Variants in SLC9A3 observed in about 807,000 individuals in gnomAD.
The protein encoded by SLC9A3 is sodium/hydrogen exchanger 3.
SLC9A3 carries 37 observed loss-of-function variants against 86.8 expected under a neutral mutation model. The observed-to-expected ratio is 0.43, with a 90% CI of 0.33 to 0.56. SLC9A3 has a LOEUF of 0.56. Ranked by LOEUF, SLC9A3 falls within the 20% of genes least tolerant of loss-of-function variation. The pLI is 0.06. For missense variants in SLC9A3, 1,011 were observed against 1,171.9 expected (o/e 0.86, Z 2.00); for synonymous variants, 581 against 528.3 (o/e 1.10, Z -1.37).
In SLC9A3 at chr5:482,586, T is replaced by C. The variant is rs1342508011; in HGVS notation, c.1318A>G (p.Thr440Ala). The C allele has an allele frequency of 6.2e-7, 1 of 1,612,706 alleles. No individual in the cohort carries two copies. The highest frequency in any genetic ancestry group is 8.5e-7 in the Non-Finnish European group (1 of 1,179,854). The change falls in exon 7 of 17, where the codon ACC (threonine) becomes GCC (alanine). Residue 440 changes from threonine to alanine, a missense_variant. By Grantham distance (58) the Thr-to-Ala change is moderately conservative. Coordinates refer to ENST00000264938, the MANE Select transcript of SLC9A3 (RefSeq NM_004174.4). The stretch of plus-strand genomic sequence containing the variant: ...GTGAAGAACACTACGATGATGGTGG[T>C]GCTGACGAACAGGTTCTTCTCCTTG... ...KVKEKNLFVS[T>A]TIIVVFFTVI...
rs1740030770 is a variant in SLC9A3 at position 496,569 on chromosome 5, G to C, written c.212-4498C>G. 6.6e-6 allele frequency among the ~76,000 whole-genome samples: 1 copy of C among 152,170 alleles called. No homozygotes were observed. Among genetic ancestry groups the C allele is most frequent in the Non-Finnish European group, 1.5e-5 (1 of 68,026 alleles). ...GTAGATTTTCACTTTCAAAAATGTT[G>C]CTCTCATCTTTCCACTTTGTCTTCT... On this transcript the variant is annotated intron_variant, in intron 1 of 16. Transcript: ENST00000264938. This position sits in a 1 kb window ranked among gnomAD's most constrained non-coding sequence, Gnocchi z 4.7.
chr5:475,736 C>T lies in SLC9A3; in HGVS notation c.2141-65G>A, dbSNP rs1738682832. 5.6e-6 allele frequency: 5 copies of T among 890,884 alleles called. No individual in the cohort carries two copies. In the Admixed American group the frequency reaches 1.0e-4, roughly 18 times the overall value. The allele number at this position is 890,884 out of a possible 1,614,324, so 55.2% of individuals were successfully genotyped here. On this transcript the variant is annotated intron_variant, in intron 14 of 16. Coordinates refer to ENST00000264938, the MANE Select transcript of SLC9A3 (RefSeq NM_004174.4). Reference sequence around the variant, plus strand: ...GGGGCTGTCCTCACAGCCCAGTCAGCAGTGTCCATCAGCTCTGTGCACAGA... The same window carrying T: ...GGGGCTGTCCTCACAGCCCAGTCAGTAGTGTCCATCAGCTCTGTGCACAGA...
At position 491,710 on chromosome 5, in the gene SLC9A3, C is replaced by A; in HGVS notation, c.514+59G>T. 3 of 1,416,680 alleles carry A rather than the reference C, an allele frequency of 2.1e-6. No individual in the cohort carries two copies. The highest frequency in any genetic ancestry group is 1.9e-6 in the Non-Finnish European group (2 of 1,057,950). The allele number at this position is 1,416,680 out of a possible 1,614,324, so 87.8% of individuals were successfully genotyped here. On this transcript the variant is annotated intron_variant, in intron 2 of 16. Coordinates refer to ENST00000264938, the MANE Select transcript of SLC9A3 (RefSeq NM_004174.4). The surrounding 1 kb of genome is among the most constrained non-coding windows in gnomAD (Gnocchi z 9.2). The stretch of plus-strand genomic sequence containing the variant: ...CCCCGACCTTTCTGAGATGAGGCAG[C>A]GCCGCCCCTCCCGGACCCCACCCTG...
rs747830280 is a variant in SLC9A3, at chr5:484,666, C to T, written c.786G>A (p.Thr262=). 22 of 1,612,946 alleles carry T rather than the reference C, an allele frequency of 1.4e-5. No individual in the cohort carries two copies. The highest frequency in any genetic ancestry group is 2.7e-5 in the African/African-American group (2 of 74,944). ...VSFFVVSLGG[T]LVGVVFAFLL... ...GGAAGGCGAAGACCACCCCCACCAGCGTGCCCCCCAGGCTCACCACGAAGA... is the reference window on the plus strand; with the variant it reads ...GGAAGGCGAAGACCACCCCCACCAGTGTGCCCCCCAGGCTCACCACGAAGA... Residue 262 remains threonine (T), a synonymous_variant, in exon 5 of 17, where the codon ACG becomes ACA. Coordinates refer to ENST00000264938, the MANE Select transcript of SLC9A3 (RefSeq NM_004174.4).
chr5:476,945 G>A (rs1738781978), intron 11 of SLC9A3, among the ~76,000 whole-genome samples: 1 of 152,248 alleles, frequency 6.6e-6, no homozygotes, highest in Non-Finnish European at 1.5e-5. Context: ...AGCCCTGGCT[G>A]TAAGACTCGG....
At chr5:510,472 G>T (rs913727127) in intron 1 of SLC9A3, among the ~76,000 whole-genome samples, 9 of 152,210 alleles carry the variant, frequency 5.9e-5, no homozygotes, top group African/African-American at 2.2e-4. Context: ...GGGGAGCGGG[G>T]CCCAGGGGAC....
chr5:476,065 G>A lies in SLC9A3; in HGVS notation c.2095C>T (p.Leu699=). 3 of 1,613,388 alleles carry A rather than the reference G, an allele frequency of 1.9e-6. No individual in the cohort carries two copies. Among genetic ancestry groups the A allele is most frequent in the Non-Finnish European group, 2.5e-6 (3 of 1,179,884 alleles). The change falls in exon 14 of 17, where the codon CTG becomes TTG. Residue 699 remains leucine (L), a synonymous_variant. Coordinates refer to ENST00000264938, the MANE Select transcript of SLC9A3 (RefSeq NM_004174.4). ...TTCTGCGCAGGGCTCTCCATGGGCAGCTTCCCATTGGGGATGCTGCTGTTT... is the reference window on the plus strand; with the variant it reads ...TTCTGCGCAGGGCTCTCCATGGGCAACTTCCCATTGGGGATGCTGCTGTTT... The part of the protein sequence containing the change: ...RRNSSIPNGK[L]PMESPAQNFT...
chr5:507,189 G>T (rs1472025538), intron 1 of SLC9A3, among the ~76,000 whole-genome samples: 1 of 2,130 alleles, frequency 4.7e-4, no homozygotes, highest in East Asian at 2.1e-3. Context: ...TTTTTTTTGA[G>T]ACGGAGTCTG....
chr5:491,627 G>A lies in SLC9A3; in HGVS notation c.514+142C>T, dbSNP rs1023628814. On this transcript the variant is annotated intron_variant, in intron 2 of 16. Coordinates refer to ENST00000264938, the MANE Select transcript of SLC9A3 (RefSeq NM_004174.4). This position sits in a 1 kb window ranked among gnomAD's most constrained non-coding sequence, Gnocchi z 9.2. ...ACTGGCCTTGGTCACGAGGGCCTAC[G>A]GGGCTGCCAGCCACGTTTCTCACCT... 17 of 708,644 alleles carry A rather than the reference G, an allele frequency of 2.4e-5. No individual in the cohort carries two copies. Among genetic ancestry groups the A allele is most frequent in the Admixed American group, 1.2e-4 (4 of 33,348 alleles). The allele number at this position is 708,644 out of a possible 1,614,324, so 43.9% of individuals were successfully genotyped here. A position where few individuals can be genotyped will look rare whatever the true frequency, so the allele number is the denominator to read the frequency against.
At chr5:501,824 G>T (rs1560967514) in intron 1 of SLC9A3, among the ~76,000 whole-genome samples, 1 of 152,230 alleles carries the variant, frequency 6.6e-6, no homozygotes, top group African/African-American at 2.4e-5. Context: ...CCTGGCAGAC[G>T]TGCCTGCGTG....
rs758308758 is a variant in SLC9A3 at position 477,308 on chromosome 5, A to G, written c.1760+24T>C. ...CCGAGGCTGGGCTCTTCCCCAGGGA[A>G]GCTGCATGACCATGGCCACATACAG... On this transcript the variant is annotated intron_variant, in intron 11 of 16. Coordinates refer to ENST00000264938, the MANE Select transcript of SLC9A3 (RefSeq NM_004174.4). 3.3e-6 allele frequency: 5 copies of G among 1,502,404 alleles called. No individual in the cohort carries two copies. The South Asian group carries it at 5.8e-5, about 17-fold the overall frequency. 93.1% of individuals were successfully genotyped at this position (1,502,404 alleles called of 1,614,324 possible).
In SLC9A3 at chr5:475,006, T is replaced by C. The variant is rs758996661; in HGVS notation, c.2378A>G (p.Tyr793Cys). The C allele has an allele frequency of 2.5e-6, 4 of 1,611,218 alleles. No individual in the cohort carries two copies. The highest frequency in any genetic ancestry group is 8.5e-7 in the Non-Finnish European group (1 of 1,179,540). ...CAGGCGGCAGAAGGTGCCGGGAGAG[T>C]AGGGAATCTGCGTGCGGGCCCTCTG... ...PSQRARTQIP[Y>C]SPGTFCRLMP... The change falls in exon 16 of 17, where the codon TAC (tyrosine) becomes TGC (cysteine). Residue 793 changes from tyrosine (Y) to cysteine (C), a missense_variant. Tyr to Cys is a radical substitution (Grantham distance 194). Around this residue, in one of 3 missense-constraint regions of SLC9A3, gnomAD observed 397 missense variants for 346.3 expected, o/e 1.15. Transcript: ENST00000264938.
At chr5:523,819 G>C (rs1397418649) in intron 1 of SLC9A3, among the ~76,000 whole-genome samples, 1 of 152,200 alleles carries the variant, frequency 6.6e-6, no homozygotes, top group Non-Finnish European at 1.5e-5. Flanking sequence ...CCTGCAGTCT[G>C]CGGGGCTCGG....
At chr5:514,450 C>T (rs1733665948) in intron 1 of SLC9A3, among the ~76,000 whole-genome samples, 5 of 152,242 alleles carry the variant, frequency 3.3e-5, no homozygotes. Context: ...TGGGGCCCAC[C>T]CTGCCCCCCG....
chr5:517,679 C>A (rs879629882), intron 1 of SLC9A3, among the ~76,000 whole-genome samples: 7 of 151,834 alleles, frequency 4.6e-5, no homozygotes, highest in Non-Finnish European at 7.4e-5. Flanking sequence ...TCTATCCATC[C>A]ATCCATCCAT....
chr5:492,904 G>A (rs10475271), intron 1 of SLC9A3, among the ~76,000 whole-genome samples: 1 of 151,896 alleles, frequency 6.6e-6, no homozygotes, highest in African/African-American at 2.4e-5. Context: ...TGGGTGGGGT[G>A]TTCTAGGAAG....
Position 514,182 on chromosome 5 carries a change from A to G in SLC9A3, c.211+9930T>C, listed in dbSNP as rs375534350. ...ACCTTCAGATCTTGAGAAAACCAGG[A>G]TTAAAGACAGAAACCTGGAAGTGGC... On this transcript the variant is annotated intron_variant, in intron 1 of 16. Coordinates refer to ENST00000264938, the MANE Select transcript of SLC9A3 (RefSeq NM_004174.4). Among the ~76,000 whole-genome samples the G allele has an allele frequency of 2.0e-5, 3 of 152,374 alleles. No individual in the cohort carries two copies. In the East Asian group the frequency reaches 5.8e-4, roughly 29 times the overall value.
At chr5:484,032 C>T (rs554601447) in intron 5 of SLC9A3, among the ~76,000 whole-genome samples, 18 of 152,336 alleles carry the variant, frequency 1.2e-4, no homozygotes, top group Middle Eastern at 3.4e-3. Context: ...CACACACACC[C>T]CCGGTGTCCA....
intron 1 of SLC9A3, among the ~76,000 whole-genome samples, chr5:512,653 C>A (rs1368645362): frequency 6.6e-6 from 1 of 152,150 alleles, no homozygotes; most frequent in African/African-American, 2.4e-5. Flanking sequence ...TGTAAATCTA[C>A]AACTTTACTA....
Sources: allele counts gnomAD v4.1 joint callset (sites outside exome capture counted in the v4.1 genomes callset), GRCh38; gene constraint gnomAD v4.1.1; regional missense constraint gnomAD v4.1.1; non-coding constraint Gnocchi (gnomAD v3.1); transcripts MANE v1.5; gene names NCBI Gene and HGNC (gene_info 2026-07-23, HGNC 2026-07-21).